The following GPHN variants were observed in gnomAD, a reference collection of about 807,000 sequenced individuals.
GPHN encodes gephyrin.
In GPHN, 17 loss-of-function variants were observed where a neutral mutation model predicts 95.5. The observed-to-expected ratio is 0.18, with a 90% CI of 0.12 to 0.27. GPHN has a LOEUF of 0.27. GPHN is among the 10% of genes least tolerant of loss of function. GPHN has a pLI of 1.00. For missense variants in GPHN, 660 were observed against 978.1 expected (o/e 0.67, Z 4.34); for synonymous variants, 320 against 322.5 (o/e 0.99, Z 0.08).
At chr14:67,030,453 T>G (rs2074140780) in intron 10 of GPHN, among the ~76,000 whole-genome samples, 1 of 152,188 alleles carries the variant, frequency 6.6e-6, no homozygotes, top group Non-Finnish European at 1.5e-5. Context: ...CTCCTTAAAA[T>G]TGCTTACTAT....
intron 6 of GPHN, among the ~76,000 whole-genome samples, chr14:66,917,863 C>T (rs2065996297): frequency 6.6e-6 from 1 of 152,136 alleles, no homozygotes; most frequent in Admixed American, 6.6e-5. Context: ...TTCATCATCC[C>T]ACACCCTCTC....
the GPHN span, chr14:67,580,922 C>A: frequency 6.4e-7 from 1 of 1,566,250 alleles, no homozygotes; most frequent in Admixed American, 1.7e-5. Flanking sequence ...TGACTTTCTT[C>A]TTTTGCCTTT....
chr14:67,480,683 C>T, the GPHN span, among the ~76,000 whole-genome samples: 1 of 152,196 alleles, frequency 6.6e-6, no homozygotes, highest in East Asian at 1.9e-4. Context: ...GCTCTTCCAA[C>T]CCCCAGGGCC....
At chr14:66,829,018 C>T (rs1271734479) in intron 4 of GPHN, among the ~76,000 whole-genome samples, 1 of 150,834 alleles carries the variant, frequency 6.6e-6, no homozygotes, top group Non-Finnish European at 1.5e-5. Flanking sequence ...ATAATTCTCA[C>T]TCATCAACTT....
the GPHN span, among the ~76,000 whole-genome samples, chr14:67,459,973 G>T: frequency 6.6e-6 from 1 of 152,186 alleles, no homozygotes; most frequent in African/African-American, 2.4e-5. Context: ...AGCTAACTGG[G>T]TTATATTAAG....
the GPHN span, among the ~76,000 whole-genome samples, chr14:67,477,912 C>T: frequency 6.6e-6 from 1 of 152,210 alleles, no homozygotes; most frequent in East Asian, 1.9e-4. Flanking sequence ...CTGCCACATC[C>T]CCACCCTAAC....
At chr14:67,590,268 T>A in the GPHN span, 1 of 1,025,482 alleles carries the variant, frequency 9.8e-7, no homozygotes, top group East Asian at 2.9e-5. Context: ...TTTTTTTTTT[T>A]TTGAGACAGA....
At chr14:66,672,739 A>G (rs1449158649) in intron 1 of GPHN, among the ~76,000 whole-genome samples, 1 of 152,054 alleles carries the variant, frequency 6.6e-6, no homozygotes, top group Non-Finnish European at 1.5e-5. Context: ...CTTTCTTTTG[A>G]TCAGTGTTAG....
rs191814725 is a variant in GPHN at position 66,967,915 on chromosome 14, A to G, written c.963+2590A>G. Among the ~76,000 whole-genome samples the G allele has an allele frequency of 2.1e-3, 316 of 152,054 alleles. 1 individual carries two copies. The highest frequency in any genetic ancestry group is 7.1e-3 in the African/African-American group (294 of 41,554). On this transcript the variant is annotated intron_variant, in intron 9 of 22. Coordinates refer to ENST00000478722, the MANE Select transcript of GPHN (RefSeq NM_020806.5). ...GTGCTATGTGGAGGTTTTAGGAATT[A>G]TATTGATCAATAATGACCACTTTAA...
At chr14:66,843,796 A>G (rs1031809363) in intron 4 of GPHN, among the ~76,000 whole-genome samples, 22 of 152,144 alleles carry the variant, frequency 1.4e-4, no homozygotes, top group African/African-American at 5.3e-4. Flanking sequence ...CTGCTTTTTT[A>G]TACAGCTCCA....
chr14:66,902,905 T>G (rs1202128508), intron 5 of GPHN, among the ~76,000 whole-genome samples: 3 of 152,098 alleles, frequency 2.0e-5, no homozygotes, highest in Admixed American at 2.0e-4. Flanking sequence ...CCTCTTCAAT[T>G]TTTTTTAGAA....
At chr14:66,629,165 A>G (rs1281409125) in intron 1 of GPHN, among the ~76,000 whole-genome samples, 1 of 101,650 alleles carries the variant, frequency 9.8e-6, no homozygotes, top group Non-Finnish European at 1.8e-5. Flanking sequence ...AAATATGTAT[A>G]TAAATATATA....
At chr14:67,224,909 C>A in the GPHN span, 1 of 433,218 alleles carries the variant, frequency 2.3e-6, no homozygotes, top group Non-Finnish European at 4.0e-6. Flanking sequence ...AGGGAACCTG[C>A]TTGTGAAATT....
At chr14:67,404,978 A>C in the GPHN span, among the ~76,000 whole-genome samples, 1 of 152,074 alleles carries the variant, frequency 6.6e-6, no homozygotes, top group Non-Finnish European at 1.5e-5. Context: ...TCACACCTGT[A>C]ATCCCAGAAT....
the GPHN span, chr14:67,316,743 T>C: frequency 1.5e-5 from 14 of 942,584 alleles, no homozygotes; most frequent in South Asian, 6.7e-5. Context: ...TGAAGAGATA[T>C]GTCTAGTGTT....
At chr14:66,983,129 G>A (rs1003550684) in intron 9 of GPHN, among the ~76,000 whole-genome samples, 1 of 152,122 alleles carries the variant, frequency 6.6e-6, no homozygotes, top group Non-Finnish European at 1.5e-5. Context: ...GTGTGCACCT[G>A]TAATCTCAGC....
At chr14:66,558,363 A>G (rs568135101) in intron 1 of GPHN, among the ~76,000 whole-genome samples, 2 of 152,312 alleles carry the variant, frequency 1.3e-5, no homozygotes, top group East Asian at 3.9e-4. Flanking sequence ...GAAAATACAT[A>G]GAGAAGACAA....
chr14:67,719,645 T>C, the GPHN span, among the ~76,000 whole-genome samples: 5 of 152,034 alleles, frequency 3.3e-5, no homozygotes. Context: ...AGCTAATTTT[T>C]AGTTTTCCTT....
At chr14:66,607,683 G>GTTA (rs1194026102) in intron 1 of GPHN, among the ~76,000 whole-genome samples, 1 of 151,820 alleles carries the variant, frequency 6.6e-6, no homozygotes, top group African/African-American at 2.4e-5. Flanking sequence ...TTTGGAACTT[G>GTTA]TTATTGGTCT....
Sources: gnomAD v4.1 joint callset for allele counts (sites outside exome capture counted in the v4.1 genomes callset) on GRCh38, gnomAD v4.1.1 for gene constraint, MANE v1.5 for transcripts, NCBI Gene and HGNC (gene_info 2026-07-23, HGNC 2026-07-21) for gene names.